FAR2: variants seen among roughly 807,000 people sequenced by gnomAD.
FAR2 encodes the protein fatty acyl-CoA reductase 2, also known as epididymis secretory protein Li 81.
FAR2 carries 19 observed loss-of-function variants against 56.0 expected under a neutral mutation model. That is an observed-to-expected ratio of 0.34 (90% CI 0.24 to 0.50). The LOEUF (loss-of-function observed/expected upper bound fraction) is 0.50, where lower values mean the gene tolerates loss of function less well. Among genes scored for constraint, FAR2 ranks in the 20% least tolerant of loss-of-function variants. The probability of loss-of-function intolerance (pLI) is 0.98; values close to 1 mark genes in which losing one functional copy is unlikely to be tolerated. For synonymous variants in FAR2, 219 were observed against 218.8 expected, an observed-to-expected ratio of 1.00 and a Z score of -0.01; for missense variants, 508 against 642.2, an observed-to-expected ratio of 0.79 and a Z score of 2.26.
intron 2 of FAR2, among the ~76,000 whole-genome samples, chr12:29,280,232 AGTTT>A (rs921890340): frequency 1.3e-5 from 2 of 152,138 alleles, no homozygotes; most frequent in African/African-American, 4.8e-5. Flanking sequence ...GCTAAATGTT[AGTTT>A]TTTATCAGTA....
At chr12:29,258,278 C>T (rs996130536) in intron 1 of FAR2, among the ~76,000 whole-genome samples, 2 of 151,982 alleles carry the variant, frequency 1.3e-5, no homozygotes, top group Non-Finnish European at 2.9e-5. Context: ...TTGCTTGAAC[C>T]CTGGAGGCAG....
intron 1 of FAR2, among the ~76,000 whole-genome samples, chr12:29,246,153 C>A (rs369184930): frequency 7.9e-5 from 12 of 151,954 alleles, no homozygotes; most frequent in African/African-American, 2.7e-4. Flanking sequence ...GCTTTGAGAT[C>A]TAACCCTTTC....
At chr12:29,326,319 A>T (rs547602082) in intron 10 of FAR2, among the ~76,000 whole-genome samples, 21 of 152,256 alleles carry the variant, frequency 1.4e-4, no homozygotes, top group Non-Finnish European at 3.1e-4. Context: ...ATTCTACCAG[A>T]GTTACGAGGA....
intron 1 of FAR2, among the ~76,000 whole-genome samples, chr12:29,192,734 C>T (rs572459965): frequency 6.6e-6 from 1 of 152,210 alleles, no homozygotes; most frequent in South Asian, 2.1e-4. Context: ...TGCATTTGTG[C>T]ATGAAATACC....
At chr12:29,261,965 A>C (rs1948426283) in intron 1 of FAR2, among the ~76,000 whole-genome samples, 1 of 152,250 alleles carries the variant, frequency 6.6e-6, no homozygotes, top group Non-Finnish European at 1.5e-5. Context: ...GAGCAAGAAG[A>C]AATCATCTGA....
intron 10 of FAR2, among the ~76,000 whole-genome samples, chr12:29,329,730 CTCTT>C (rs1169700700): frequency 6.6e-6 from 1 of 152,168 alleles, no homozygotes; most frequent in Non-Finnish European, 1.5e-5. Flanking sequence ...CGCATCTGCT[CTCTT>C]TATTAATACT....
At chr12:29,218,256 G>A (rs1235946977) in intron 1 of FAR2, among the ~76,000 whole-genome samples, 1 of 152,142 alleles carries the variant, frequency 6.6e-6, no homozygotes, top group East Asian at 1.9e-4. Flanking sequence ...CTACTGAGGA[G>A]GCTGAGGCAG....
chr12:29,293,057 G>T (rs944444974), intron 2 of FAR2: 9 of 287,980 alleles, frequency 3.1e-5, no homozygotes, highest in Non-Finnish European at 5.1e-5. Flanking sequence ...AGTAGAGACA[G>T]GTTTTTACCA....
chr12:29,247,548 T>C (rs921786509), intron 1 of FAR2, among the ~76,000 whole-genome samples: 2 of 152,228 alleles, frequency 1.3e-5, no homozygotes, highest in African/African-American at 4.8e-5. Context: ...AAGGCCTTGT[T>C]AAAGGTCTTC....
intron 3 of FAR2, 43 bp downstream of exon 3, chr12:29,293,518 G>T: frequency 7.6e-7 from 1 of 1,318,000 alleles, no homozygotes. Context: ...ACATATGTGT[G>T]CATGTAAATT....
At position 29,311,060 on chromosome 12, in the gene FAR2, T is replaced by G. The variant is rs780333630; in HGVS notation, c.801T>G (p.Ala267=). The stretch of plus-strand genomic sequence containing the variant: ...AAGGGTTTCTTCGGGCCATAAAAGC[T>G]ACTCCAATGGCTGTGGCAGACGTAA... ...TGKGFLRAIK[A]TPMAVADVIP... is the part of the protein sequence containing the mutation. Residue 267 remains alanine (A), a synonymous_variant, in exon 7 of 12, where the codon GCT becomes GCG. Coordinates refer to ENST00000536681, the MANE Select transcript of FAR2 (RefSeq NM_001271783.2). 6.2e-7 allele frequency: 1 copy of G among 1,613,644 alleles called. No individual in the cohort carries two copies. Among genetic ancestry groups the G allele is most frequent in the Non-Finnish European group, 8.5e-7 (1 of 1,179,624 alleles).
At chr12:29,185,293 A>G (rs1419790587) in intron 1 of FAR2, among the ~76,000 whole-genome samples, 2 of 152,264 alleles carry the variant, frequency 1.3e-5, no homozygotes, top group African/African-American at 2.4e-5. Context: ...AAGTCAATCT[A>G]GAAAACTATC....
chr12:29,167,724 A>G (rs1403734760), intron 1 of FAR2, among the ~76,000 whole-genome samples: 1 of 152,224 alleles, frequency 6.6e-6, no homozygotes, highest in Non-Finnish European at 1.5e-5. Flanking sequence ...CTACAATCCA[A>G]CAACAGTTCA....
At chr12:29,256,795 C>T (rs575124706) in intron 1 of FAR2, among the ~76,000 whole-genome samples, 5 of 152,334 alleles carry the variant, frequency 3.3e-5, no homozygotes, top group South Asian at 2.1e-4. Flanking sequence ...GGCCAGCTGC[C>T]GAGGAGGGTG....
chr12:29,325,913 A>T (rs1482722814), intron 10 of FAR2, among the ~76,000 whole-genome samples: 2 of 152,230 alleles, frequency 1.3e-5, no homozygotes, highest in Non-Finnish European at 2.9e-5. Context: ...AGCAGAACTG[A>T]AGGAAATAGA....
chr12:29,217,984 A>AGAGGAGGAGGAGGAGGAGGAG (rs143213052), intron 1 of FAR2, among the ~76,000 whole-genome samples: 36 of 151,294 alleles, frequency 2.4e-4, no homozygotes, highest in African/African-American at 2.9e-4. Context: ...AAGAAGACAA[A>AGAGGAGGAGGAGGAGGAGGAG]GAGGAGGAGG....
chr12:29,308,689 GAC>G (rs57435586), intron 5 of FAR2, among the ~76,000 whole-genome samples: 52,257 of 136,952 alleles, frequency 0.38, 10,639 homozygotes, highest in Admixed American at 0.51. Context: ...CAGACACACA[GAC>G]ACACACACAC....
chr12:29,255,365 T>A (rs1419404361), intron 1 of FAR2, among the ~76,000 whole-genome samples: 1 of 152,242 alleles, frequency 6.6e-6, no homozygotes. Flanking sequence ...TGACCTCATT[T>A]AACCTTAATA....
At chr12:29,208,886 A>G (rs925938965) in intron 1 of FAR2, among the ~76,000 whole-genome samples, 4 of 152,146 alleles carry the variant, frequency 2.6e-5, no homozygotes. Flanking sequence ...AAATCATGGG[A>G]GAATGTTCCA....
Sources: gnomAD v4.1 joint callset for allele counts (sites outside exome capture counted in the v4.1 genomes callset) on GRCh38, gnomAD v4.1.1 for gene constraint, MANE v1.5 for transcripts, NCBI Gene and HGNC (gene_info 2026-07-23, HGNC 2026-07-21) for gene names.